SGCD: variants seen among roughly 807,000 people sequenced by gnomAD.
SGCD encodes sarcoglycan delta.
Under a neutral mutation model 36.6 loss-of-function variants are expected in SGCD, and 18 were observed. The ratio of observed to expected loss-of-function variants is 0.49; its 90% confidence interval spans 0.34 to 0.73. The LOEUF (loss-of-function observed/expected upper bound fraction) is 0.73. SGCD is among the 30% of genes least tolerant of loss of function. The pLI, the probability that SGCD is intolerant of heterozygous loss-of-function variation, is 0.01. For missense variants in SGCD, 387 were observed against 346.7 expected, an observed-to-expected ratio of 1.12 and a Z score of -0.92; for synonymous variants, 133 against 130.6, an observed-to-expected ratio of 1.02 and a Z score of -0.12.
the SGCD span, among the ~76,000 whole-genome samples, chr5:155,764,861 G>A: frequency 6.6e-6 from 1 of 152,190 alleles, no homozygotes; most frequent in Non-Finnish European, 1.5e-5. Context: ...ATTCTGGGCA[G>A]CAAAAACAAT....
intron 1 of SGCD, among the ~76,000 whole-genome samples, chr5:155,898,957 G>A (rs542449141): frequency 6.6e-6 from 1 of 152,306 alleles, no homozygotes; most frequent in South Asian, 2.1e-4. Flanking sequence ...ACTTGCTAGG[G>A]CTTGCCTGGA....
rs1350680180 is a variant in SGCD at position 156,365,846 on chromosome 5, A to T, written c.192+21169A>T. 3.3e-5 allele frequency among the ~76,000 whole-genome samples: 5 copies of T among 152,286 alleles called. No individual in the cohort carries two copies. In the East Asian group the frequency reaches 9.6e-4, roughly 29 times the overall value. On this transcript the variant is annotated intron_variant, in intron 3 of 8. Coordinates refer to ENST00000337851, the MANE Select transcript of SGCD (RefSeq NM_000337.6). Reference sequence around the variant, plus strand: ...CAGATATATTTAAATGTACATGTAAATATATACACGTGGGTATGTGTATAC... The same window carrying T: ...CAGATATATTTAAATGTACATGTAATTATATACACGTGGGTATGTGTATAC...
chr5:155,911,319 G>GTGTATATA (rs145927722), intron 1 of SGCD, among the ~76,000 whole-genome samples: 2 of 141,440 alleles, frequency 1.4e-5, no homozygotes, highest in African/African-American at 5.3e-5. Flanking sequence ...GTGTGTGTGT[G>GTGTATATA]TATATATATA....
intron 6 of SGCD, among the ~76,000 whole-genome samples, chr5:156,603,769 A>G (rs969898891): frequency 6.6e-6 from 1 of 152,048 alleles, no homozygotes; most frequent in Non-Finnish European, 1.5e-5. Flanking sequence ...AAAATGCTTG[A>G]TATAATCTTT....
chr5:156,519,086 A>G (rs1003337163), intron 4 of SGCD, among the ~76,000 whole-genome samples: 2 of 152,024 alleles, frequency 1.3e-5, no homozygotes, highest in African/African-American at 4.8e-5. Context: ...AAAAATTAAT[A>G]AAATAGCTTG....
At chr5:156,641,140 A>T (rs1464423217) in intron 6 of SGCD, among the ~76,000 whole-genome samples, 2 of 152,230 alleles carry the variant, frequency 1.3e-5, no homozygotes, top group African/African-American at 4.8e-5. Context: ...CCACAAATTC[A>T]TGTTAGGAAT....
chr5:156,696,915 AACACACACAC>A (rs57963416), intron 7 of SGCD, among the ~76,000 whole-genome samples: 25,585 of 145,010 alleles, frequency 0.18, 2,334 homozygotes, highest in Middle Eastern at 0.24. Flanking sequence ...CCTTACACAC[AACACACACAC>A]ACACACACAC....
chr5:156,349,819 A>G (rs1239155181), intron 3 of SGCD, among the ~76,000 whole-genome samples: 2 of 152,082 alleles, frequency 1.3e-5, no homozygotes, highest in African/African-American at 4.8e-5. Flanking sequence ...CACATTTCAC[A>G]ACTGCAAAGA....
In SGCD at chr5:156,264,507, T is replaced by C. The variant is rs569061371; in HGVS notation, c.-43-65027T>C. On this transcript the variant is annotated intron_variant, in intron 3 of 9. Transcript: ENST00000517913. ...TATCAAAGTCATTGGCATAAGATAT[T>C]CCTGAGTTCAAATTCCAATGCTATC... 3.9e-5 allele frequency among the ~76,000 whole-genome samples: 6 copies of C among 152,294 alleles called. No homozygotes were observed. The East Asian group carries it at 9.6e-4, about 24-fold the overall frequency.
intron 7 of SGCD, among the ~76,000 whole-genome samples, chr5:156,666,790 G>T (rs529946993): frequency 1.1e-3 from 161 of 152,110 alleles, no homozygotes; most frequent in Non-Finnish European, 1.4e-3. Context: ...CAAGGCAGAA[G>T]AATTTTTCTT....
chr5:156,136,222 C>G (rs1762452817), intron 3 of SGCD, among the ~76,000 whole-genome samples: 1 of 152,140 alleles, frequency 6.6e-6, no homozygotes, highest in Non-Finnish European at 1.5e-5. Context: ...AAGTGATTCT[C>G]TCGCCTCAGC....
intron 3 of SGCD, among the ~76,000 whole-genome samples, chr5:156,499,133 C>T (rs1353513433): frequency 6.6e-6 from 1 of 152,092 alleles, no homozygotes; most frequent in Non-Finnish European, 1.5e-5. Context: ...AGTTAGACTG[C>T]CAGGTTCTGT....
At chr5:155,870,356 G>A (rs1755606989) in exon 1 of SGCD, 1 of 152,166 alleles carries the variant, frequency 6.6e-6, no homozygotes, top group Non-Finnish European at 1.5e-5. Flanking sequence ...GATATCTATT[G>A]AAGCTGGGAG....
At chr5:155,973,976 A>T (rs1758058728) in intron 1 of SGCD, among the ~76,000 whole-genome samples, 2 of 152,190 alleles carry the variant, frequency 1.3e-5, no homozygotes, top group South Asian at 2.1e-4. Context: ...AGTAAGGGTG[A>T]ATAAAAACTG....
the SGCD span, among the ~76,000 whole-genome samples, chr5:155,774,228 G>A: frequency 6.6e-6 from 1 of 152,058 alleles, no homozygotes; most frequent in East Asian, 1.9e-4. Flanking sequence ...TTTATTTTAG[G>A]ACTGTTGCTA....
intron 7 of SGCD, among the ~76,000 whole-genome samples, chr5:156,648,465 T>G (rs1763317802): frequency 6.6e-6 from 1 of 152,176 alleles, no homozygotes; most frequent in African/African-American, 2.4e-5. Flanking sequence ...ACCTAGTGTT[T>G]CTTTTAACAG....
chr5:156,393,828 G>T (rs954150850), intron 3 of SGCD: 1 of 456,190 alleles, frequency 2.2e-6, no homozygotes, highest in Admixed American at 2.3e-5. Flanking sequence ...AGAACCAGGA[G>T]CCAGGTGACT....
chr5:156,687,526 A>T (rs1289562208), intron 7 of SGCD, among the ~76,000 whole-genome samples: 1 of 152,158 alleles, frequency 6.6e-6, no homozygotes, highest in Non-Finnish European at 1.5e-5. Context: ...TAGCTATCGG[A>T]GACTCTCTTT....
At chr5:156,675,544 A>G (rs1314206430) in intron 7 of SGCD, among the ~76,000 whole-genome samples, 1 of 152,192 alleles carries the variant, frequency 6.6e-6, no homozygotes, top group Non-Finnish European at 1.5e-5. Context: ...CTGCTTGTGA[A>G]ATGTTCTCAT....
Sources: gnomAD v4.1 joint callset for allele counts (sites outside exome capture counted in the v4.1 genomes callset) on GRCh38, gnomAD v4.1.1 for gene constraint, MANE v1.5 for transcripts, NCBI Gene and HGNC (gene_info 2026-07-23, HGNC 2026-07-21) for gene names.